The following MAST4 variants were observed in gnomAD, a reference collection of about 807,000 sequenced individuals.
MAST4 encodes microtubule-associated serine/threonine-protein kinase 4.
Under a neutral mutation model 162.7 loss-of-function variants are expected in MAST4, and 89 were observed. That is an observed-to-expected ratio of 0.55 (90% CI 0.46 to 0.65). MAST4 has a LOEUF of 0.65. Among genes scored for constraint, MAST4 ranks in the 30% least tolerant of loss-of-function variants. The probability of loss-of-function intolerance (pLI) is 0.00; values close to 1 mark genes in which losing one functional copy is unlikely to be tolerated. For synonymous variants in MAST4, 1,479 were observed against 1,361.1 expected (o/e 1.09, Z -1.91); for missense variants, 3,153 against 3,374.0 (o/e 0.93, Z 1.62).
chr5:67,130,174 C>T lies in MAST4; in HGVS notation c.1746-36C>T, dbSNP rs777082555. 12 of 1,569,834 alleles carry T rather than the reference C, an allele frequency of 7.6e-6. No individual in the cohort carries two copies. In the African/African-American group the frequency reaches 1.6e-4, roughly 21 times the overall value. ...TCCCCAAAACATCCTTACTTTCTCT[C>T]CTCCTGTCAACCCCAATACTTCTGC... On this transcript the variant is annotated intron_variant, in intron 14 of 28. Coordinates refer to ENST00000403625, the MANE Select transcript of MAST4 (RefSeq NM_001164664.2).
intron 4 of MAST4, among the ~76,000 whole-genome samples, chr5:66,916,317 C>T (rs1365448263): frequency 2.0e-5 from 3 of 152,064 alleles, no homozygotes; most frequent in African/African-American, 7.2e-5. Flanking sequence ...GGCTGATACA[C>T]AGGGGGGAAA....
At chr5:66,812,055 G>T (rs1359218780) in intron 3 of MAST4, among the ~76,000 whole-genome samples, 1 of 152,092 alleles carries the variant, frequency 6.6e-6, no homozygotes. Flanking sequence ...TGTTTGGGTC[G>T]GGAGGGAGAG....
intron 3 of MAST4, among the ~76,000 whole-genome samples, chr5:66,808,664 GAA>G (rs1756325547): frequency 6.6e-6 from 1 of 152,194 alleles, no homozygotes; most frequent in Non-Finnish European, 1.5e-5. Flanking sequence ...GAGTGCTTCA[GAA>G]ACATCACTTG....
intron 5 of MAST4, among the ~76,000 whole-genome samples, chr5:67,077,670 G>A (rs1014767191): frequency 3.9e-5 from 6 of 152,214 alleles, no homozygotes; most frequent in African/African-American, 1.4e-4. Flanking sequence ...GGAAGGAAGT[G>A]TAGGTTATTC....
intron 3 of MAST4, among the ~76,000 whole-genome samples, chr5:66,798,391 A>T (rs943534722): frequency 6.6e-6 from 1 of 152,178 alleles, no homozygotes; most frequent in Non-Finnish European, 1.5e-5. Flanking sequence ...GCCCTTGCTC[A>T]AGTTTTGATA....
rs375544443 is a variant in MAST4 at position 66,683,825 on chromosome 5, A to T, written c.364-75884A>T. On this transcript the variant is annotated intron_variant, in intron 1 of 28. Transcript: ENST00000403625. Reference sequence around the variant, plus strand: ...ATAACCAGTAGGCCAAAGGTTGAACATTTGTGTTCCCCTTGGTACTATGAG... The same window carrying T: ...ATAACCAGTAGGCCAAAGGTTGAACTTTTGTGTTCCCCTTGGTACTATGAG... Among the ~76,000 whole-genome samples, 268 of 152,216 alleles carry T rather than the reference A, an allele frequency of 1.8e-3. 1 individual carries two copies. The highest frequency in any genetic ancestry group is 6.1e-3 in the African/African-American group (252 of 41,520).
At chr5:66,752,107 C>A (rs1239336642) in intron 1 of MAST4, among the ~76,000 whole-genome samples, 1 of 152,152 alleles carries the variant, frequency 6.6e-6, no homozygotes, top group Non-Finnish European at 1.5e-5. Context: ...GAAATTTTGT[C>A]ACCACTAGGC....
chr5:66,600,309 TGAG>T (rs1442906775), intron 1 of MAST4, among the ~76,000 whole-genome samples: 1 of 152,228 alleles, frequency 6.6e-6, no homozygotes, highest in Non-Finnish European at 1.5e-5. Context: ...CCGTGTGTGT[TGAG>T]GAGGTAGCAC....
chr5:66,647,305 C>T (rs78970866), intron 1 of MAST4, among the ~76,000 whole-genome samples: 4,095 of 152,226 alleles, frequency 0.027, 202 homozygotes, highest in African/African-American at 0.092. Flanking sequence ...CTCTCTAACA[C>T]TAGTCATTCT....
At chr5:67,093,872 T>C (rs1764132383) in intron 6 of MAST4, among the ~76,000 whole-genome samples, 1 of 152,196 alleles carries the variant, frequency 6.6e-6, no homozygotes, top group East Asian at 1.9e-4. Context: ...CTTTATCAAA[T>C]TGGAGGTGTT....
At chr5:67,081,722 G>A (rs1314213658) in intron 5 of MAST4, among the ~76,000 whole-genome samples, 2 of 152,170 alleles carry the variant, frequency 1.3e-5, no homozygotes, top group African/African-American at 2.4e-5. Context: ...TTTTTCAAAT[G>A]TTGACATATA....
Position 66,624,146 on chromosome 5 carries a change from G to GTTTTTTTTTT in MAST4, c.363+27142_363+27151dup, listed in dbSNP as rs200030700. Among the ~76,000 whole-genome samples, 354 of 90,106 alleles carry GTTTTTTTTTT rather than the reference G, an allele frequency of 3.9e-3. 37 individuals carry two copies. Among genetic ancestry groups the GTTTTTTTTTT allele is most frequent in the Middle Eastern group, 8.2e-3 (1 of 122 alleles). 59.1% of individuals were successfully genotyped at this position (90,106 alleles called of 152,430 possible). A position where few individuals can be genotyped will look rare whatever the true frequency, so the allele number is the denominator to read the frequency against. ...TTGGAAGAATTAATATTGTTAAAATGTTTTTTTTTTTTTTTTTTTTTTTGA... is the reference window on the plus strand; with the variant it reads ...TTGGAAGAATTAATATTGTTAAAATGTTTTTTTTTTTTTTTTTTTTTTTTTTTTTTTTTGA... On this transcript the variant is annotated intron_variant, in intron 1 of 28. Coordinates refer to ENST00000403625, the MANE Select transcript of MAST4 (RefSeq NM_001164664.2).
At chr5:66,972,768 T>C (rs958479542) in intron 4 of MAST4, among the ~76,000 whole-genome samples, 7 of 152,200 alleles carry the variant, frequency 4.6e-5, no homozygotes, top group Non-Finnish European at 8.8e-5. Flanking sequence ...TTGTGGGGTG[T>C]GAGCTGCTCC....
chr5:67,165,680 C>T lies in MAST4; in HGVS notation c.6501C>T (p.Pro2167=), dbSNP rs1033704325. 4 of 1,590,800 alleles carry T rather than the reference C, an allele frequency of 2.5e-6. No homozygotes were observed. Among genetic ancestry groups the T allele is most frequent in the East Asian group, 2.3e-5 (1 of 43,260 alleles). The change falls in exon 29 of 29, where the codon CCC becomes CCT. Residue 2167 remains proline (P), a synonymous_variant. Transcript: ENST00000403625. ...CTGGCAGAGAGCCGGGGGCCAAGCC[C>T]AGCACTGCAGAGCCCAGCTCGAGCC... ...HASGREPGAK[P]STAEPSSSPQ...
chr5:67,082,236 C>A (rs1762746072), intron 5 of MAST4, among the ~76,000 whole-genome samples: 1 of 149,680 alleles, frequency 6.7e-6, no homozygotes, highest in Non-Finnish European at 1.5e-5. Flanking sequence ...GCAACTTCTG[C>A]CCCCGGGGTG....
intron 3 of MAST4, among the ~76,000 whole-genome samples, chr5:66,843,244 C>T (rs925398593): frequency 6.6e-6 from 1 of 152,180 alleles, no homozygotes; most frequent in South Asian, 2.1e-4. Context: ...ATAGTTGTCA[C>T]GTTAGTGGTC....
intron 3 of MAST4, among the ~76,000 whole-genome samples, chr5:66,837,694 G>T (rs1758074660): frequency 6.6e-6 from 1 of 151,582 alleles, no homozygotes; most frequent in Admixed American, 6.6e-5. Context: ...TCTCTCAGTG[G>T]TGTGCAGCCA....
intron 4 of MAST4, among the ~76,000 whole-genome samples, chr5:66,917,606 T>C (rs72763011): frequency 6.0e-5 from 9 of 149,614 alleles, no homozygotes; most frequent in Non-Finnish European, 1.0e-4. Context: ...TTTTTTTTTT[T>C]TCCCTAGATG....
At chr5:66,712,072 T>C (rs551519757) in intron 1 of MAST4, among the ~76,000 whole-genome samples, 1 of 152,314 alleles carries the variant, frequency 6.6e-6, no homozygotes, top group Non-Finnish European at 1.5e-5. Context: ...TGATGGACTT[T>C]TTGTGTTGTT....
Sources: gnomAD v4.1 joint callset for allele counts (sites outside exome capture counted in the v4.1 genomes callset) on GRCh38, gnomAD v4.1.1 for gene constraint, MANE v1.5 for transcripts, NCBI Gene and HGNC (gene_info 2026-07-23, HGNC 2026-07-21) for gene names.